Variants in NT5E observed in about 807,000 individuals in gnomAD.
The protein encoded by NT5E is 5'-nucleotidase.
NT5E carries 53 observed loss-of-function variants against 55.1 expected under a neutral mutation model. The observed-to-expected ratio is 0.96, with a 90% confidence interval of 0.77 to 1.21. The LOEUF is 1.21. Among genes scored for constraint, NT5E ranks in the 50% most tolerant of loss-of-function variants. The pLI is 0.00. For synonymous variants in NT5E, 270 were observed against 278.4 expected (o/e 0.97, Z 0.30); for missense variants, 683 against 724.3 (o/e 0.94, Z 0.65).
intron 1 of NT5E, among the ~76,000 whole-genome samples, chr6:85,463,430 G>A (rs1398676580): frequency 6.6e-6 from 1 of 152,108 alleles, no homozygotes; most frequent in East Asian, 1.9e-4. Flanking sequence ...ATAAAAAAAA[G>A]ATCTGATTTA....
chr6:85,467,674 G>A (rs140715867), intron 2 of NT5E, among the ~76,000 whole-genome samples: 18 of 152,168 alleles, frequency 1.2e-4, no homozygotes, highest in African/African-American at 3.9e-4. Flanking sequence ...TTACCTTATT[G>A]CTCCTTTTCT....
At chr6:85,463,066 C>A (rs549039344) in intron 1 of NT5E, among the ~76,000 whole-genome samples, 56 of 152,110 alleles carry the variant, frequency 3.7e-4, no homozygotes, top group Middle Eastern at 6.8e-3. Context: ...CATATAAGAT[C>A]ATCAATTCTT....
chr6:85,484,535 AG>A (rs1176780127), intron 3 of NT5E, among the ~76,000 whole-genome samples: 1 of 152,160 alleles, frequency 6.6e-6, no homozygotes, highest in Non-Finnish European at 1.5e-5. Context: ...GGCTGGGGTC[AG>A]GAGTGTGCCT....
intron 1 of NT5E, among the ~76,000 whole-genome samples, chr6:85,455,913 A>C (rs9444346): frequency 2.6e-5 from 4 of 151,810 alleles, no homozygotes; most frequent in Non-Finnish European, 5.9e-5. Flanking sequence ...GTTTGTGTGT[A>C]TGTGTGTGTT....
At position 85,492,858 on chromosome 6, in the gene NT5E, C is replaced by G. The variant is rs141205952; in HGVS notation, c.1561+681C>G. On this transcript the variant is annotated intron_variant, in intron 8 of 8. Transcript: ENST00000257770. ...CATCTCTGGGTAGTTCCACCAGGAT[C>G]TTCCTCAGTCTTATCATGCTGGACC... Among the ~76,000 whole-genome samples, 719 of 152,298 alleles carry G rather than the reference C, an allele frequency of 4.7e-3. 5 individuals carry two copies. Among genetic ancestry groups the G allele is most frequent in the African/African-American group, 0.017 (695 of 41,552 alleles).
chr6:85,489,238 A>G (rs1769732788), intron 5 of NT5E, among the ~76,000 whole-genome samples: 1 of 152,176 alleles, frequency 6.6e-6, no homozygotes, highest in Non-Finnish European at 1.5e-5. Context: ...CCGAGAGACC[A>G]TTTTGCTAAG....
At chr6:85,489,633 T>C (rs1235837368) in intron 6 of NT5E, 34 bp downstream of exon 6, 1 of 1,454,480 alleles carries the variant, frequency 6.9e-7, no homozygotes, top group Non-Finnish European at 9.6e-7. Context: ...CAGTGTGTCA[T>C]GTTCTCTCTC....
chr6:85,491,914 A>C (rs1254212348), intron 7 of NT5E, 63 bp from the exon 8 acceptor site: 9 of 1,533,496 alleles, frequency 5.9e-6, no homozygotes, highest in Non-Finnish European at 8.1e-6. Flanking sequence ...GTTTGGCCAA[A>C]ATTCCTTAGG....
intron 5 of NT5E, 109 bp downstream of exon 5, chr6:85,487,598 T>A: frequency 2.8e-6 from 4 of 1,422,350 alleles, no homozygotes; most frequent in Non-Finnish European, 3.9e-6. Context: ...ATGAGGGATT[T>A]CAAAACATTT....
chr6:85,470,259 C>T (rs1408257248), intron 2 of NT5E, among the ~76,000 whole-genome samples: 1 of 152,178 alleles, frequency 6.6e-6, no homozygotes, highest in Admixed American at 6.5e-5. Context: ...CCTTGCTGCA[C>T]ACAGAGAACC....
intron 1 of NT5E, among the ~76,000 whole-genome samples, chr6:85,465,286 T>C (rs1769169464): frequency 6.6e-6 from 1 of 152,216 alleles, no homozygotes; most frequent in Admixed American, 6.5e-5. Flanking sequence ...AGGAATATAA[T>C]GTTGCTGTTA....
intron 3 of NT5E, among the ~76,000 whole-genome samples, chr6:85,475,862 C>T (rs1449459351): frequency 6.6e-6 from 1 of 152,168 alleles, no homozygotes; most frequent in East Asian, 1.9e-4. Context: ...TTCTAACATC[C>T]TGTTACCTAG....
chr6:85,470,844 C>T (rs944856316), intron 2 of NT5E, among the ~76,000 whole-genome samples: 5 of 152,210 alleles, frequency 3.3e-5, no homozygotes, highest in East Asian at 3.8e-4. Context: ...CTGATTATCC[C>T]AAGTTTCCAA....
intron 1 of NT5E, among the ~76,000 whole-genome samples, chr6:85,466,654 A>G (rs1469217320): frequency 6.6e-6 from 1 of 152,194 alleles, no homozygotes. Context: ...CCTTTTGCTA[A>G]AGTCCTGCTG....
chr6:85,469,518 A>T (rs1769262412), intron 2 of NT5E, among the ~76,000 whole-genome samples: 1 of 152,208 alleles, frequency 6.6e-6, no homozygotes, highest in South Asian at 2.1e-4. Flanking sequence ...GAGAAGAATT[A>T]AGCAGGAGGG....
At chr6:85,476,936 A>G (rs770769070) in intron 3 of NT5E, among the ~76,000 whole-genome samples, 4 of 152,136 alleles carry the variant, frequency 2.6e-5, no homozygotes. Context: ...TGGAAAAGGC[A>G]ACATTCAGGC....
intron 2 of NT5E, among the ~76,000 whole-genome samples, chr6:85,470,204 G>C (rs780491862): frequency 6.6e-5 from 10 of 152,160 alleles, no homozygotes; most frequent in Non-Finnish European, 1.3e-4. Context: ...AAACCTCAAA[G>C]CTTCCTCAAA....
At chr6:85,468,310 C>A (rs1562139039) in intron 2 of NT5E, among the ~76,000 whole-genome samples, 1 of 152,124 alleles carries the variant, frequency 6.6e-6, no homozygotes, top group South Asian at 2.1e-4. Flanking sequence ...GGTGGAGCGG[C>A]TGGGGCTGGA....
intron 1 of NT5E, 54 bp from the exon 2 acceptor site, chr6:85,467,006 T>C: frequency 6.7e-7 from 1 of 1,496,486 alleles, no homozygotes; most frequent in Non-Finnish European, 9.3e-7. Context: ...AATACTGGAC[T>C]AATGTTATGT....
Sources: gnomAD v4.1 joint callset for allele counts (sites outside exome capture counted in the v4.1 genomes callset) on GRCh38, gnomAD v4.1.1 for gene constraint, MANE v1.5 for transcripts, NCBI Gene and HGNC (gene_info 2026-07-23, HGNC 2026-07-21) for gene names.